HECW1: variants seen among roughly 807,000 people sequenced by gnomAD.
HECW1 encodes HECT, C2 and WW domain containing E3 ubiquitin protein ligase 1.
In HECW1, 61 loss-of-function variants were observed where a neutral mutation model predicts 182.3. That is an observed-to-expected ratio of 0.33 (90% CI 0.27 to 0.41). The LOEUF (loss-of-function observed/expected upper bound fraction) is 0.41. HECW1 is among the 10% of genes least tolerant of loss of function. The pLI, the probability that HECW1 is intolerant of heterozygous loss-of-function variation, is 1.00. For synonymous variants in HECW1, 859 were observed against 832.6 expected (o/e 1.03, Z -0.55); for missense variants, 1,739 against 2,108.9 (o/e 0.82, Z 3.44).
intron 2 of HECW1, among the ~76,000 whole-genome samples, chr7:43,195,321 C>A (rs1277894875): frequency 6.6e-6 from 1 of 152,216 alleles, no homozygotes; most frequent in Non-Finnish European, 1.5e-5. Flanking sequence ...GTCTGGGAGG[C>A]CCTGTGCCAC....
chr7:43,523,520 G>A (rs2080613084), intron 24 of HECW1, among the ~76,000 whole-genome samples: 1 of 152,136 alleles, frequency 6.6e-6, no homozygotes, highest in Non-Finnish European at 1.5e-5. Flanking sequence ...GAAGACATTA[G>A]CTTTGAAAGA....
At chr7:43,467,882 G>T (rs1031929420) in intron 15 of HECW1, among the ~76,000 whole-genome samples, 2 of 152,150 alleles carry the variant, frequency 1.3e-5, no homozygotes, top group African/African-American at 4.8e-5. Flanking sequence ...CTGCAAAGGG[G>T]GGGATCAGTT....
chr7:43,159,049 G>C (rs576647345), intron 2 of HECW1, among the ~76,000 whole-genome samples: 4 of 152,154 alleles, frequency 2.6e-5, no homozygotes, highest in African/African-American at 7.2e-5. Flanking sequence ...CTGGTCTAGG[G>C]ACCACAGCCT....
intron 24 of HECW1, among the ~76,000 whole-genome samples, chr7:43,523,675 G>C (rs1445665554): frequency 6.6e-6 from 1 of 152,142 alleles, no homozygotes; most frequent in African/African-American, 2.4e-5. Context: ...TTTTCCTTGA[G>C]ATCGAGGGAA....
rs181822267 is a variant in HECW1 at position 43,358,563 on chromosome 7, C to A, written c.461-2323C>A. 5.3e-5 allele frequency among the ~76,000 whole-genome samples: 8 copies of A among 152,254 alleles called. No individual in the cohort carries two copies. In the East Asian group the frequency reaches 1.5e-3, roughly 29 times the overall value. ...TCACCCAGGTAATGGAAAACCTGAG[C>A]AACTGCAATTAAATGGCTTCAAAAA... is the stretch of plus-strand genomic sequence containing the variant. On this transcript the variant is annotated intron_variant, in intron 5 of 29. Coordinates refer to ENST00000395891, the MANE Select transcript of HECW1 (RefSeq NM_015052.5).
intron 2 of HECW1, among the ~76,000 whole-genome samples, chr7:43,229,021 C>T (rs141791746): frequency 6.6e-5 from 10 of 152,198 alleles, no homozygotes; most frequent in East Asian, 1.9e-4. Context: ...TTCCACAGTA[C>T]GAATGAATTA....
intron 6 of HECW1, among the ~76,000 whole-genome samples, chr7:43,376,619 C>A (rs971813209): frequency 6.6e-6 from 1 of 152,176 alleles, no homozygotes; most frequent in Admixed American, 6.5e-5. Context: ...AATCCCAGCA[C>A]TTTGGGAGGC....
intron 12 of HECW1, among the ~76,000 whole-genome samples, chr7:43,451,657 T>C (rs919334754): frequency 6.6e-6 from 1 of 152,228 alleles, no homozygotes; most frequent in African/African-American, 2.4e-5. Context: ...AGTCTCTAGA[T>C]ACCATTCTAG....
intron 2 of HECW1, among the ~76,000 whole-genome samples, chr7:43,144,207 A>G (rs998815325): frequency 6.6e-6 from 1 of 152,174 alleles, no homozygotes; most frequent in Non-Finnish European, 1.5e-5. Flanking sequence ...TTTTCTCACA[A>G]TTATACTGGG....
At chr7:43,113,588 C>T (rs914063704) in intron 1 of HECW1, 7 of 178,290 alleles carry the variant, frequency 3.9e-5, no homozygotes, top group African/African-American at 1.4e-4. Flanking sequence ...CCGGGCCTGC[C>T]ACCTGAGTTT....
chr7:43,256,404 G>A (rs907010163), intron 3 of HECW1, among the ~76,000 whole-genome samples: 1 of 152,162 alleles, frequency 6.6e-6, no homozygotes, highest in Admixed American at 6.5e-5. Flanking sequence ...GAGGTCAGGA[G>A]TTCAAGACCA....
chr7:43,511,909 C>T (rs2079892439), intron 24 of HECW1: 1 of 188,106 alleles, frequency 5.3e-6, no homozygotes, highest in Admixed American at 6.2e-5. Context: ...TGCTGTGGCA[C>T]CTGCCTGAAG....
At chr7:43,299,700 T>C (rs1806491332) in intron 3 of HECW1, among the ~76,000 whole-genome samples, 1 of 152,228 alleles carries the variant, frequency 6.6e-6, no homozygotes, top group African/African-American at 2.4e-5. Flanking sequence ...GAAATCATAG[T>C]AGCTAAGTGT....
At chr7:43,280,810 A>G (rs768066462) in intron 3 of HECW1, among the ~76,000 whole-genome samples, 5 of 152,158 alleles carry the variant, frequency 3.3e-5, no homozygotes, top group Non-Finnish European at 7.3e-5. Context: ...CCAGCCAACT[A>G]TATCCTCAGG....
chr7:43,308,385 A>G (rs1051111600), intron 3 of HECW1, among the ~76,000 whole-genome samples: 2 of 139,718 alleles, frequency 1.4e-5, no homozygotes, highest in African/African-American at 5.3e-5. Flanking sequence ...ATATTTATAT[A>G]TATATAAAAT....
At chr7:43,445,694 C>A in intron 11 of HECW1, 124 bp downstream of exon 11, 3 of 1,201,166 alleles carry the variant, frequency 2.5e-6, no homozygotes, top group Non-Finnish European at 3.4e-6. Context: ...GCAATGTATG[C>A]CTGTCTTGTA....
intron 15 of HECW1, among the ~76,000 whole-genome samples, chr7:43,468,673 A>G (rs1170268250): frequency 6.6e-6 from 1 of 152,088 alleles, no homozygotes; most frequent in Non-Finnish European, 1.5e-5. Flanking sequence ...AGCACATGCC[A>G]CCATGCCCAG....
At chr7:43,188,471 T>C (rs1051128236) in intron 2 of HECW1, among the ~76,000 whole-genome samples, 2 of 152,146 alleles carry the variant, frequency 1.3e-5, no homozygotes, top group African/African-American at 4.8e-5. Flanking sequence ...TGACAGATGG[T>C]GTGCTTGAGT....
chr7:43,129,681 T>C (rs890008087), intron 2 of HECW1, among the ~76,000 whole-genome samples: 3 of 152,204 alleles, frequency 2.0e-5, no homozygotes, highest in Non-Finnish European at 4.4e-5. Context: ...AATGACTAGC[T>C]GGACAAACCA....
Sources: allele counts gnomAD v4.1 joint callset (sites outside exome capture counted in the v4.1 genomes callset), GRCh38; gene constraint gnomAD v4.1.1; transcripts MANE v1.5; gene names NCBI Gene and HGNC (gene_info 2026-07-23, HGNC 2026-07-21).